DLEU7: variants seen among roughly 807,000 people sequenced by gnomAD.
DLEU7 encodes the protein deleted in lymphocytic leukemia 7, also known as leukemia-associated protein 7.
In DLEU7, 17 loss-of-function variants were observed where a neutral mutation model predicts 16.0. That is an observed-to-expected ratio of 1.06 (90% confidence interval 0.73 to 1.59). The LOEUF (loss-of-function observed/expected upper bound fraction) is 1.59, where lower values mean the gene tolerates loss of function less well. Among genes scored for constraint, DLEU7 ranks in the 40% most tolerant of loss-of-function variants. The pLI, the probability that DLEU7 is intolerant of heterozygous loss-of-function variation, is 0.00. For missense variants in DLEU7, 308 were observed against 314.9 expected (o/e 0.98, Z 0.17); for synonymous variants, 113 against 139.8 (o/e 0.81, Z 1.35).
chr13:50,837,689 C>G (rs986980005), intron 1 of DLEU7, among the ~76,000 whole-genome samples: 3 of 152,188 alleles, frequency 2.0e-5, no homozygotes, highest in Non-Finnish European at 4.4e-5. Context: ...TTTGCAGAAG[C>G]TGGCTTCACT....
At chr13:50,791,295 T>C (rs1002855473) in intron 1 of DLEU7, among the ~76,000 whole-genome samples, 2 of 152,174 alleles carry the variant, frequency 1.3e-5, no homozygotes, top group Non-Finnish European at 2.9e-5. Context: ...TTTCTCCTGC[T>C]CACACACCCA....
At position 50,726,771 on chromosome 13, in the gene DLEU7, C is replaced by T. The variant is rs1424587238; in HGVS notation, c.460-13531G>A. On this transcript the variant is annotated intron_variant, in intron 1 of 1. Transcript: ENST00000400393. The surrounding 1 kb of genome is among the most constrained non-coding windows in gnomAD (Gnocchi z 4.0). ...TTTCTAATTAGGGCTGTGACCTTGA[C>T]CATGCCCCCTACCTTCCTGGGCCTC... Among the ~76,000 whole-genome samples the T allele has an allele frequency of 6.6e-6, 1 of 152,030 alleles. No homozygotes were observed. The highest frequency in any genetic ancestry group is 1.5e-5 in the Non-Finnish European group (1 of 68,008).
At chr13:50,740,433 G>A (rs996146924) in intron 1 of DLEU7, among the ~76,000 whole-genome samples, 1 of 152,100 alleles carries the variant, frequency 6.6e-6, no homozygotes, top group Non-Finnish European at 1.5e-5. Flanking sequence ...ATTTCCTGGT[G>A]TGCATAAAAT....
chr13:50,728,246 C>A (rs1169023644), intron 1 of DLEU7, among the ~76,000 whole-genome samples: 2 of 152,118 alleles, frequency 1.3e-5, no homozygotes, highest in Admixed American at 6.5e-5. Context: ...TTTCCAATTA[C>A]AGATAAGAAA....
intron 1 of DLEU7, among the ~76,000 whole-genome samples, chr13:50,812,021 G>T (rs1488423700): frequency 2.3e-5 from 3 of 132,356 alleles, no homozygotes. Flanking sequence ...AGTGAGCCAA[G>T]ATCATACCAT....
At chr13:50,804,279 A>C (rs1056082482) in intron 1 of DLEU7, among the ~76,000 whole-genome samples, 15 of 152,030 alleles carry the variant, frequency 9.9e-5, no homozygotes, top group African/African-American at 3.4e-4. Context: ...GACCTGTATT[A>C]AATGTTTATA....
rs1201703560 is a variant in DLEU7, at chr13:50,741,151, G to A, written c.460-27911C>T. Among the ~76,000 whole-genome samples, 7 of 152,298 alleles carry A rather than the reference G, an allele frequency of 4.6e-5. No individual in the cohort carries two copies. In the South Asian group the frequency reaches 1.4e-3, roughly 32 times the overall value. ...GAACAATGCTCCAAACAGAAGGGATGCATTTCTACTTGTAGAATTATTTTG... is the reference window on the plus strand; with the variant it reads ...GAACAATGCTCCAAACAGAAGGGATACATTTCTACTTGTAGAATTATTTTG... On this transcript the variant is annotated intron_variant, in intron 1 of 1. Coordinates refer to the DLEU7 transcript ENST00000400393.
At chr13:50,791,709 G>T (rs1875963969) in intron 1 of DLEU7, among the ~76,000 whole-genome samples, 1 of 152,056 alleles carries the variant, frequency 6.6e-6, no homozygotes, top group South Asian at 2.1e-4. Flanking sequence ...AAATTGGCCT[G>T]AATGTAAACA....
At chr13:50,785,080 C>T (rs964280160) in intron 1 of DLEU7, among the ~76,000 whole-genome samples, 3 of 152,046 alleles carry the variant, frequency 2.0e-5, no homozygotes, top group African/African-American at 7.3e-5. Flanking sequence ...CTGAGTTTGC[C>T]AATGGATAAT....
At position 50,811,502 on chromosome 13, in the gene DLEU7, G is replaced by A. The variant is rs202241659; in HGVS notation, c.459+31686C>T. ...GTCCCAGAAAGGATTGTGATGATGG[G>A]CATTTCTGAGAGGGAAGTCTGCTCA... On this transcript the variant is annotated intron_variant, in intron 1 of 1. Transcript: ENST00000400393. Among the ~76,000 whole-genome samples, 14 of 152,246 alleles carry A rather than the reference G, an allele frequency of 9.2e-5. No individual in the cohort carries two copies. In the East Asian group the frequency reaches 2.7e-3, roughly 29 times the overall value.
At chr13:50,824,601 G>A (rs1255116255) in intron 1 of DLEU7, among the ~76,000 whole-genome samples, 1 of 152,140 alleles carries the variant, frequency 6.6e-6, no homozygotes, top group Non-Finnish European at 1.5e-5. Flanking sequence ...GTTTGGGATG[G>A]AGAGTAAAGT....
chr13:50,813,788 G>C (rs1262682121), intron 1 of DLEU7, among the ~76,000 whole-genome samples: 1 of 146,690 alleles, frequency 6.8e-6, no homozygotes, highest in Non-Finnish European at 1.5e-5. Context: ...GTATATTTTA[G>C]TCTGAACTCC....
chr13:50,823,501 T>A lies in DLEU7; in HGVS notation c.479A>T (p.Asn160Ile). 1 of 1,535,816 alleles carries A rather than the reference T, an allele frequency of 6.5e-7. No individual in the cohort carries two copies. The highest frequency in any genetic ancestry group is 2.4e-5 in the East Asian group (1 of 40,918). ...IHLKDSVEFR[N>I]ICSHLALQIE... is the part of the protein sequence containing the mutation. ...CTGTAGAGCCAAATGACTGCAGATG[T>A]TTCTAAACTCAACACTATCCTGAAA... The change falls in exon 2 of 2, where the codon AAC becomes ATC. Residue 160 changes from asparagine to isoleucine, a missense_variant. Coordinates refer to ENST00000504404, the MANE Select transcript of DLEU7 (RefSeq NM_001306135.2).
chr13:50,804,931 TA>T (rs1169864286), intron 1 of DLEU7, among the ~76,000 whole-genome samples: 1 of 152,148 alleles, frequency 6.6e-6, no homozygotes, highest in Non-Finnish European at 1.5e-5. Context: ...ATTGTTCTAA[TA>T]TTTTTTTTCA....
chr13:50,831,870 T>C (rs1256214356), intron 1 of DLEU7, among the ~76,000 whole-genome samples: 1 of 152,230 alleles, frequency 6.6e-6, no homozygotes, highest in Non-Finnish European at 1.5e-5. Flanking sequence ...TTTGATGTGC[T>C]ACTGGATTCA....
Position 50,757,306 on chromosome 13 carries a change from C to T in DLEU7, c.460-44066G>A, listed in dbSNP as rs59343134. On this transcript the variant is annotated intron_variant, in intron 1 of 1. Transcript: ENST00000400393. ...ATTAGCAACACAAAAGTGAGGCAGA[C>T]GAACTAGTTGGGCTTCTAACTCAGC... is the stretch of plus-strand genomic sequence containing the variant. Among the ~76,000 whole-genome samples the T allele has an allele frequency of 7.2e-5, 11 of 152,256 alleles. No homozygotes were observed. The East Asian group carries it at 7.7e-4, about 11-fold the overall frequency.
intron 1 of DLEU7, among the ~76,000 whole-genome samples, chr13:50,785,635 G>C (rs1488403530): frequency 6.6e-6 from 1 of 152,154 alleles, no homozygotes; most frequent in Non-Finnish European, 1.5e-5. Flanking sequence ...CCTCAATGTT[G>C]AACCACCTAA....
chr13:50,752,848 C>T (rs1177428683), intron 1 of DLEU7, among the ~76,000 whole-genome samples: 7 of 152,126 alleles, frequency 4.6e-5, no homozygotes, highest in African/African-American at 1.7e-4. Flanking sequence ...GAAGGGGACC[C>T]AAGCGGGTTG....
intron 1 of DLEU7, among the ~76,000 whole-genome samples, chr13:50,732,337 A>G (rs1233492480): frequency 6.6e-6 from 1 of 152,116 alleles, no homozygotes; most frequent in Non-Finnish European, 1.5e-5. Flanking sequence ...CGAGCTGGGC[A>G]TGGTGGCTCA....
Sources: allele counts gnomAD v4.1 joint callset (sites outside exome capture counted in the v4.1 genomes callset), GRCh38; gene constraint gnomAD v4.1.1; non-coding constraint Gnocchi (gnomAD v3.1); transcripts MANE v1.5; gene names NCBI Gene and HGNC (gene_info 2026-07-23, HGNC 2026-07-21).